The following CDKAL1 variants were observed in gnomAD, a reference collection of about 807,000 sequenced individuals.
CDKAL1 encodes the protein threonylcarbamoyladenosine tRNA methylthiotransferase.
CDKAL1 carries 32 observed loss-of-function variants against 68.2 expected under a neutral mutation model. The observed-to-expected ratio is 0.47, with a 90% confidence interval of 0.35 to 0.63. The LOEUF is 0.63. Ranked by LOEUF, CDKAL1 falls within the 30% of genes least tolerant of loss-of-function variation. The pLI is 0.00. For missense variants in CDKAL1, 606 were observed against 696.7 expected (o/e 0.87, Z 1.47); for synonymous variants, 234 against 244.3 (o/e 0.96, Z 0.39).
At chr6:20,998,988 T>C (rs929451494) in intron 10 of CDKAL1, among the ~76,000 whole-genome samples, 2 of 152,214 alleles carry the variant, frequency 1.3e-5, no homozygotes, top group Admixed American at 6.5e-5. Flanking sequence ...TCCGTATGCA[T>C]GACTAACTCT....
chr6:20,684,302 C>T (rs868486499), intron 5 of CDKAL1, among the ~76,000 whole-genome samples: 5 of 152,090 alleles, frequency 3.3e-5, no homozygotes, highest in East Asian at 1.9e-4. Flanking sequence ...ATTAGCTGGG[C>T]GTGGTGGCAT....
At chr6:20,837,904 T>G (rs1317626816) in intron 8 of CDKAL1, among the ~76,000 whole-genome samples, 1 of 143,344 alleles carries the variant, frequency 7.0e-6, no homozygotes, top group Non-Finnish European at 1.5e-5. Flanking sequence ...AAACCAGACA[T>G]AGAGAACAGT....
At chr6:21,069,112 G>A (rs1165623799) in intron 12 of CDKAL1, among the ~76,000 whole-genome samples, 1 of 152,080 alleles carries the variant, frequency 6.6e-6, no homozygotes, top group Non-Finnish European at 1.5e-5. Context: ...TATGTCATCT[G>A]ATAGTCATAG....
At chr6:20,881,081 C>T (rs1286487503) in intron 9 of CDKAL1, among the ~76,000 whole-genome samples, 1 of 152,324 alleles carries the variant, frequency 6.6e-6, no homozygotes, top group South Asian at 2.1e-4. Context: ...ATTAAACAGA[C>T]TATTGACATC....
rs931232484 is a variant in CDKAL1 at position 21,028,234 on chromosome 6, A to G, written c.1055+27862A>G. On this transcript the variant is annotated intron_variant, in intron 11 of 15. Transcript: ENST00000274695. Reference sequence around the variant, plus strand: ...GCTCACCTCCTGCATTTTCAACAATAGTAATAGTTAACATTTAAGGGTTTT... The same window carrying G: ...GCTCACCTCCTGCATTTTCAACAATGGTAATAGTTAACATTTAAGGGTTTT... Among the ~76,000 whole-genome samples the G allele has an allele frequency of 2.0e-5, 3 of 152,166 alleles. No individual in the cohort carries two copies. The East Asian group carries it at 5.8e-4, about 29-fold the overall frequency.
chr6:20,763,397 C>A (rs1207527692), intron 7 of CDKAL1, among the ~76,000 whole-genome samples: 1 of 152,172 alleles, frequency 6.6e-6, no homozygotes, highest in Non-Finnish European at 1.5e-5. Context: ...ATTTTCCTAA[C>A]CCTGCCCAGA....
At chr6:20,928,026 C>T (rs1763258337) in intron 9 of CDKAL1, among the ~76,000 whole-genome samples, 1 of 152,136 alleles carries the variant, frequency 6.6e-6, no homozygotes, top group South Asian at 2.1e-4. Flanking sequence ...TGTTTTGTCT[C>T]TGAAAAATCT....
chr6:21,071,900 G>A (rs1771790497), intron 12 of CDKAL1, among the ~76,000 whole-genome samples: 1 of 152,100 alleles, frequency 6.6e-6, no homozygotes. Flanking sequence ...GTGACTCTCG[G>A]GAGAAAGAGT....
chr6:21,213,290 G>A (rs747816336), intron 15 of CDKAL1, among the ~76,000 whole-genome samples: 48 of 152,158 alleles, frequency 3.2e-4, no homozygotes, highest in Non-Finnish European at 5.7e-4. Context: ...TGCCTGACAC[G>A]TAGAAGTGAT....
chr6:20,885,894 C>T (rs1402477564), intron 9 of CDKAL1, among the ~76,000 whole-genome samples: 1 of 151,970 alleles, frequency 6.6e-6, no homozygotes, highest in Non-Finnish European at 1.5e-5. Flanking sequence ...ACCAGCTTGG[C>T]CAATATGGTG....
At chr6:20,592,435 T>C (rs1016570861) in intron 4 of CDKAL1, among the ~76,000 whole-genome samples, 1 of 151,896 alleles carries the variant, frequency 6.6e-6, no homozygotes, top group African/African-American at 2.4e-5. Flanking sequence ...GGCATCCTTG[T>C]CTTGTGTGGT....
intron 5 of CDKAL1, among the ~76,000 whole-genome samples, chr6:20,670,671 T>C (rs549951397): frequency 5.9e-4 from 90 of 152,336 alleles, no homozygotes; most frequent in African/African-American, 2.0e-3. Flanking sequence ...TTTATGTCAG[T>C]GTAGACTCTG....
chr6:20,881,379 A>G (rs1037575416), intron 9 of CDKAL1, among the ~76,000 whole-genome samples: 5 of 152,224 alleles, frequency 3.3e-5, no homozygotes, highest in East Asian at 3.9e-4. Flanking sequence ...CATAGCATAT[A>G]TTTTGTATAT....
At chr6:21,161,327 C>T (rs968286689) in intron 13 of CDKAL1, among the ~76,000 whole-genome samples, 1 of 152,160 alleles carries the variant, frequency 6.6e-6, no homozygotes, top group African/African-American at 2.4e-5. Flanking sequence ...TCAGTAAACA[C>T]CATCTTATAA....
chr6:20,721,922 G>T (rs1772394818), intron 5 of CDKAL1, among the ~76,000 whole-genome samples: 1 of 151,404 alleles, frequency 6.6e-6, no homozygotes, highest in East Asian at 1.9e-4. Context: ...TAGTAGAGAT[G>T]GGATTTCACT....
chr6:20,628,255 TTTGAGGTAAATC>T (rs1767518053), intron 4 of CDKAL1, among the ~76,000 whole-genome samples: 1 of 152,134 alleles, frequency 6.6e-6, no homozygotes, highest in African/African-American at 2.4e-5. Context: ...TCTTTATGTG[TTTGAGGTAAATC>T]TTGTCTAGTT....
At chr6:20,811,355 C>G (rs180802813) in intron 8 of CDKAL1, among the ~76,000 whole-genome samples, 2 of 152,190 alleles carry the variant, frequency 1.3e-5, no homozygotes, top group African/African-American at 4.8e-5. Context: ...AATGTCGAGA[C>G]GCTGAGGTCA....
At chr6:20,811,457 T>A (rs1295451105) in intron 8 of CDKAL1, among the ~76,000 whole-genome samples, 1 of 151,856 alleles carries the variant, frequency 6.6e-6, no homozygotes, top group Non-Finnish European at 1.5e-5. Context: ...TTCATTTTTT[T>A]CTTTCTTCGT....
intron 12 of CDKAL1, among the ~76,000 whole-genome samples, chr6:21,069,770 CTTTCTTTTT>C (rs1306028808): frequency 1.4e-4 from 6 of 42,282 alleles, no homozygotes; most frequent in Non-Finnish European, 2.9e-4. Flanking sequence ...CCCAGATTTT[CTTTCTTTTT>C]TTTTTTTTTT....
Sources: allele counts gnomAD v4.1 joint callset (sites outside exome capture counted in the v4.1 genomes callset), GRCh38; gene constraint gnomAD v4.1.1; transcripts MANE v1.5; gene names NCBI Gene and HGNC (gene_info 2026-07-23, HGNC 2026-07-21).